Variants in RBM25 observed in about 807,000 individuals in gnomAD.
RBM25 encodes RNA binding motif protein 25, also known as RNA-binding protein 25.
Under a neutral mutation model 120.7 loss-of-function variants are expected in RBM25, and 19 were observed. The observed-to-expected ratio is 0.16, with a 90% CI of 0.11 to 0.23. The LOEUF is 0.23. RBM25 is among the 10% of genes least tolerant of loss of function. The pLI, the probability that RBM25 is intolerant of heterozygous loss-of-function variation, is 1.00. For synonymous variants in RBM25, 390 were observed against 326.7 expected (o/e 1.19, Z -2.09); for missense variants, 605 against 1,041.5 (o/e 0.58, Z 5.77).
intron 1 of RBM25, 140 bp from the exon 2 acceptor site, chr14:73,071,487 A>G: frequency 1.6e-6 from 1 of 635,508 alleles, no homozygotes; most frequent in Non-Finnish European, 2.8e-6. Context: ...TTCTCAATGA[A>G]AAGAGGGTCT....
intron 1 of RBM25, chr14:73,070,034 A>G (rs927240964): frequency 2.0e-5 from 3 of 151,968 alleles, no homozygotes; most frequent in Non-Finnish European, 2.9e-5. Flanking sequence ...GTTTTCTTTA[A>G]CATGACAAAC....
chr14:73,068,365 G>A, intron 1 of RBM25: 1 of 690,710 alleles, frequency 1.4e-6, no homozygotes. Flanking sequence ...AGCATTTAAT[G>A]GAGAGACAAT....
At chr14:73,108,343 C>G (rs1184895790) in intron 13 of RBM25, among the ~76,000 whole-genome samples, 1 of 152,166 alleles carries the variant, frequency 6.6e-6, no homozygotes, top group East Asian at 1.9e-4. Context: ...GGCTACCACA[C>G]CTGTGTGCTA....
chr14:73,094,536 C>T (rs903025873), intron 6 of RBM25, among the ~76,000 whole-genome samples: 3 of 151,346 alleles, frequency 2.0e-5, no homozygotes, highest in Non-Finnish European at 4.4e-5. Context: ...CAATCTCTGC[C>T]TCCCGGGTTC....
chr14:73,106,357 G>A (rs1896188241), intron 12 of RBM25, 72 bp downstream of exon 12: 1 of 1,169,276 alleles, frequency 8.6e-7, no homozygotes, highest in Non-Finnish European at 1.2e-6. Flanking sequence ...CTAACTACAA[G>A]TAACTTAATA....
At chr14:73,087,814 C>T (rs572843635) in intron 5 of RBM25, among the ~76,000 whole-genome samples, 187 bp from the exon 6 acceptor site, 1 of 151,768 alleles carries the variant, frequency 6.6e-6, no homozygotes, top group Admixed American at 6.6e-5. Flanking sequence ...CCTTTTTTTC[C>T]CCTTTGGTTG....
chr14:73,096,799 A>G (rs1378050725), intron 6 of RBM25, 116 bp from the exon 7 acceptor site: 2 of 795,168 alleles, frequency 2.5e-6, no homozygotes. Flanking sequence ...TCTGTGTTTA[A>G]TAGGACTACA....
intron 9 of RBM25, chr14:73,102,206 TG>T (rs1253152640): frequency 1.3e-5 from 2 of 152,354 alleles, no homozygotes; most frequent in Admixed American, 6.5e-5. Context: ...AAGGGATAAA[TG>T]TGTTTTGTTT....
chr14:73,123,690 T>C lies in RBM25; in HGVS notation c.*3885T>C, dbSNP rs1360968984. 1 of 152,202 alleles carries C rather than the reference T, an allele frequency of 6.6e-6. No individual in the cohort carries two copies. The highest frequency in any genetic ancestry group is 1.5e-5 in the Non-Finnish European group (1 of 68,038). 9.4% of individuals were successfully genotyped at this position (152,202 alleles called of 1,614,324 possible). ...TGATAAACTGATAGATTTTTTGTAA[T>C]GTGATTATGGTAAAATACTGAAATA... On this transcript the variant is annotated 3_prime_UTR_variant, in exon 19 of 19. Coordinates refer to ENST00000261973, the MANE Select transcript of RBM25 (RefSeq NM_021239.3).
At chr14:73,074,925 G>A (rs1182989976) in intron 2 of RBM25, among the ~76,000 whole-genome samples, 1 of 151,144 alleles carries the variant, frequency 6.6e-6, no homozygotes, top group African/African-American at 2.4e-5. Flanking sequence ...CAAGCGATGT[G>A]CCTGTCTTGG....
intron 1 of RBM25, among the ~76,000 whole-genome samples, chr14:73,066,508 G>A (rs564334081): frequency 4.6e-5 from 7 of 152,128 alleles, no homozygotes; most frequent in East Asian, 1.9e-4. Context: ...TTGGTCGTGC[G>A]TGCCTTGTGG....
intron 4 of RBM25, 42 bp downstream of exon 4, chr14:73,077,578 A>G (rs748737638): frequency 1.3e-6 from 2 of 1,482,210 alleles, no homozygotes. Flanking sequence ...TTTTTTTATC[A>G]TTCTACATTT....
chr14:73,086,126 C>T (rs1895679543), intron 5 of RBM25, among the ~76,000 whole-genome samples: 1 of 151,746 alleles, frequency 6.6e-6, no homozygotes, highest in Non-Finnish European at 1.5e-5. Flanking sequence ...TTGAAGATCA[C>T]GATCTGGACA....
At position 73,123,067 on chromosome 14, in the gene RBM25, T is replaced by C. The variant is rs1306550272; in HGVS notation, c.*3262T>C. ...TTTTTCCATCCAGCCCTGAAAATTT[T>C]TTCTGTAGATAACTTTATGTTGTAA... On this transcript the variant is annotated 3_prime_UTR_variant, in exon 19 of 19. Transcript: ENST00000261973. 6.6e-6 allele frequency: 1 copy of C among 152,152 alleles called. No homozygotes were observed. Among genetic ancestry groups the C allele is most frequent in the Admixed American group, 6.6e-5 (1 of 15,258 alleles). 9.4% of individuals were successfully genotyped at this position (152,152 alleles called of 1,614,324 possible).
intron 12 of RBM25, chr14:73,107,604 A>G: frequency 2.1e-6 from 1 of 476,044 alleles, no homozygotes. Context: ...ATACATATAC[A>G]TTTATAAATA....
chr14:73,083,322 C>T (rs1895607331), intron 4 of RBM25, among the ~76,000 whole-genome samples, 172 bp from the exon 5 acceptor site: 1 of 152,078 alleles, frequency 6.6e-6, no homozygotes, highest in Non-Finnish European at 1.5e-5. Context: ...ATTTGTTGTT[C>T]ATTTCTTTCA....
intron 3 of RBM25, 126 bp downstream of exon 3, chr14:73,076,494 C>G (rs569337113): frequency 2.9e-5 from 23 of 789,868 alleles, no homozygotes; most frequent in Non-Finnish European, 8.2e-6. Context: ...TGACAGCACC[C>G]CTGTAGAGCA....
chr14:73,093,285 A>T (rs1193335130), intron 6 of RBM25, among the ~76,000 whole-genome samples: 4 of 152,186 alleles, frequency 2.6e-5, no homozygotes, highest in Non-Finnish European at 5.9e-5. Context: ...ATTTCCTTAA[A>T]TTTTTTAAAA....
intron 10 of RBM25, among the ~76,000 whole-genome samples, chr14:73,105,395 A>G (rs1165954072): frequency 6.6e-6 from 1 of 152,218 alleles, no homozygotes; most frequent in African/African-American, 2.4e-5. Context: ...AATCCATGCA[A>G]CATGTCAGAA....
Sources: allele counts gnomAD v4.1 joint callset (sites outside exome capture counted in the v4.1 genomes callset), GRCh38; gene constraint gnomAD v4.1.1; transcripts MANE v1.5; gene names NCBI Gene and HGNC (gene_info 2026-07-23, HGNC 2026-07-21).